The following DPF3 variants were observed in gnomAD, a reference collection of about 807,000 sequenced individuals.
DPF3 encodes double PHD fingers 3, also known as zinc finger protein DPF3.
In DPF3, 18 loss-of-function variants were observed where a neutral mutation model predicts 56.8. The observed-to-expected ratio is 0.32, with a 90% CI of 0.22 to 0.47. The LOEUF is 0.47. Among genes scored for constraint, DPF3 ranks in the 20% least tolerant of loss-of-function variants. DPF3 has a pLI of 1.00. For synonymous variants in DPF3, 188 were observed against 180.2 expected (o/e 1.04, Z -0.35); for missense variants, 403 against 488.8 (o/e 0.82, Z 1.65).
chr14:72,727,091 C>T (rs1031342078), intron 4 of DPF3, among the ~76,000 whole-genome samples: 8 of 152,150 alleles, frequency 5.3e-5, no homozygotes, highest in African/African-American at 1.2e-4. Context: ...GGTCTGGTCT[C>T]GGCCCACCTG....
rs1157780331 is a variant in DPF3, at chr14:72,692,992, G to A, written c.742+84C>T. 5 of 1,577,730 alleles carry A rather than the reference G, an allele frequency of 3.2e-6. No individual in the cohort carries two copies. The Admixed American group carries it at 8.8e-5, about 28-fold the overall frequency. ...CAACGGTTGCTACCAGAAGATGCCA[G>A]CAGTGAGAAAAAGGAACAAGGAACG... is the stretch of plus-strand genomic sequence containing the variant. On this transcript the variant is annotated intron_variant, in intron 7 of 10. Transcript: ENST00000556509.
At chr14:72,874,212 C>A in intron 1 of DPF3, among the ~76,000 whole-genome samples, 1 of 150,918 alleles carries the variant, frequency 6.6e-6, no homozygotes. Flanking sequence ...GGTGGAGTGG[C>A]TCACACCTAT....
At chr14:72,655,589 C>T (rs1886040715) in intron 8 of DPF3, among the ~76,000 whole-genome samples, 1 of 152,202 alleles carries the variant, frequency 6.6e-6, no homozygotes, top group Non-Finnish European at 1.5e-5. Context: ...CTCACTGTCT[C>T]TTTTTCACAT....
At chr14:72,836,250 G>A (rs1884289208) in intron 1 of DPF3, 2 of 985,630 alleles carry the variant, frequency 2.0e-6, no homozygotes, top group African/African-American at 1.7e-5. Flanking sequence ...TCCCTCTCCA[G>A]TGATATGCTT....
chr14:72,679,335 C>T (rs961979030), intron 7 of DPF3: 1 of 152,424 alleles, frequency 6.6e-6, no homozygotes, highest in Non-Finnish European at 1.5e-5. Flanking sequence ...AGTTCAGGCT[C>T]CTCCTTGGCA....
chr14:72,842,162 A>T (rs1395527198), intron 1 of DPF3, among the ~76,000 whole-genome samples: 1 of 152,034 alleles, frequency 6.6e-6, no homozygotes, highest in African/African-American at 2.4e-5. Context: ...CAAGCAGATA[A>T]TTGGCACCCC....
At chr14:72,884,949 T>TATATATATATATATATATATAC (rs1555516736) in intron 1 of DPF3, among the ~76,000 whole-genome samples, 1 of 81,862 alleles carries the variant, frequency 1.2e-5, no homozygotes, top group South Asian at 4.7e-4. Context: ...ACTATATATA[T>TATATATATATATATATATATAC]ATATATATAT....
At chr14:72,842,485 G>A (rs1420008413) in intron 1 of DPF3, among the ~76,000 whole-genome samples, 2 of 152,188 alleles carry the variant, frequency 1.3e-5, no homozygotes, top group Non-Finnish European at 2.9e-5. Context: ...TAAAGTGAAC[G>A]TGCTAGAAGA....
chr14:72,623,939 A>G (rs1360698398), intron 9 of DPF3, among the ~76,000 whole-genome samples: 3 of 152,216 alleles, frequency 2.0e-5, no homozygotes, highest in Admixed American at 1.3e-4. Flanking sequence ...TAAGGAAGCT[A>G]TCAAATACTA....
chr14:72,844,122 G>A (rs1226783142), intron 1 of DPF3, among the ~76,000 whole-genome samples: 1 of 152,172 alleles, frequency 6.6e-6, no homozygotes, highest in East Asian at 1.9e-4. Flanking sequence ...GACAAAAGGA[G>A]TACTGAGATA....
At chr14:72,722,152 A>T (rs1889201215) in intron 5 of DPF3, among the ~76,000 whole-genome samples, 1 of 152,248 alleles carries the variant, frequency 6.6e-6, no homozygotes, top group South Asian at 2.1e-4. Flanking sequence ...CAGTTAAATG[A>T]TAAGATGTCT....
intron 1 of DPF3, 142 bp from the exon 2 acceptor site, chr14:72,772,035 G>A (rs1891555176): frequency 4.2e-6 from 4 of 943,070 alleles, no homozygotes; most frequent in Non-Finnish European, 5.7e-6. Context: ...AGCACCAAGA[G>A]CCTTGCCAAT....
At chr14:72,860,819 G>A (rs1885366644) in intron 1 of DPF3, among the ~76,000 whole-genome samples, 2 of 152,016 alleles carry the variant, frequency 1.3e-5, no homozygotes, top group Non-Finnish European at 2.9e-5. Context: ...ACCCACCTCA[G>A]CCTCCCAAAG....
At chr14:72,861,460 G>C (rs753167373) in intron 1 of DPF3, among the ~76,000 whole-genome samples, 1 of 152,042 alleles carries the variant, frequency 6.6e-6, no homozygotes, top group Non-Finnish European at 1.5e-5. Flanking sequence ...ACCCACTTTT[G>C]AGGGTGAATT....
chr14:72,773,474 T>C (rs1023858269), intron 1 of DPF3, among the ~76,000 whole-genome samples: 1 of 152,166 alleles, frequency 6.6e-6, no homozygotes, highest in Non-Finnish European at 1.5e-5. Context: ...AACATAAAAT[T>C]TCCCATCTTA....
chr14:72,744,667 C>T (rs74793097), intron 3 of DPF3, among the ~76,000 whole-genome samples: 1,827 of 152,190 alleles, frequency 0.012, 38 homozygotes, highest in African/African-American at 0.043. Flanking sequence ...TGACACAGCT[C>T]CGCAGACCTG....
rs111704749 is a variant in DPF3, at chr14:72,771,562, C to A, written c.193+171G>T. 3.0e-3 allele frequency among the ~76,000 whole-genome samples: 462 copies of A among 151,640 alleles called. 4 individuals carry two copies. The highest frequency in any genetic ancestry group is 0.011 in the African/African-American group (450 of 41,340). ...CTTGTCACATTCCTTGAAACACCTGCCAGGAGCCATAAAAGTAGCTGAGCT... is the reference window on the plus strand; with the variant it reads ...CTTGTCACATTCCTTGAAACACCTGACAGGAGCCATAAAAGTAGCTGAGCT... On this transcript the variant is annotated intron_variant, in intron 2 of 10. Transcript: ENST00000556509.
chr14:72,809,817 G>A (rs1215864912), intron 1 of DPF3, among the ~76,000 whole-genome samples: 4 of 152,186 alleles, frequency 2.6e-5, no homozygotes, highest in East Asian at 1.9e-4. Flanking sequence ...CCCCTTGAGC[G>A]CCCTGTGGAT....
chr14:72,770,719 T>C lies in DPF3; in HGVS notation c.193+1014A>G, dbSNP rs1891488513. 2.6e-5 allele frequency among the ~76,000 whole-genome samples: 4 copies of C among 152,322 alleles called. No individual in the cohort carries two copies. The South Asian group carries it at 8.3e-4, about 32-fold the overall frequency. On this transcript the variant is annotated intron_variant, in intron 2 of 10. Transcript: ENST00000556509. Reference sequence around the variant, plus strand: ...ATGTGTTTTACTATTGTCTTCAGTTTTATATGAAGGTGAAATTTTTCCAAA... The same window carrying C: ...ATGTGTTTTACTATTGTCTTCAGTTCTATATGAAGGTGAAATTTTTCCAAA...
Sources: allele counts gnomAD v4.1 joint callset (sites outside exome capture counted in the v4.1 genomes callset), GRCh38; gene constraint gnomAD v4.1.1; transcripts MANE v1.5; gene names NCBI Gene and HGNC (gene_info 2026-07-23, HGNC 2026-07-21).